The following TANGO6 variants were observed in gnomAD, a reference collection of about 807,000 sequenced individuals.
The protein encoded by TANGO6 is transport and golgi organization 6 homolog.
In TANGO6, 90 loss-of-function variants were observed where a neutral mutation model predicts 114.2. That is an observed-to-expected ratio of 0.79 (90% CI 0.66 to 0.94). TANGO6 has a LOEUF of 0.94. Among genes scored for constraint, TANGO6 ranks in the 40% least tolerant of loss-of-function variants. The pLI is 0.00. For missense variants in TANGO6, 1,274 were observed against 1,315.3 expected (o/e 0.97, Z 0.49); for synonymous variants, 477 against 509.8 (o/e 0.94, Z 0.87).
intron 17 of TANGO6, among the ~76,000 whole-genome samples, chr16:69,063,812 TTATTATTA>T (rs1960172249): frequency 8.1e-6 from 1 of 123,284 alleles, no homozygotes; most frequent in African/African-American, 4.0e-5. Flanking sequence ...CTTCTTCTTA[TTATTATTA>T]TTATTATTAT....
At chr16:68,946,055 G>A (rs1395972272) in intron 14 of TANGO6, among the ~76,000 whole-genome samples, 2 of 151,834 alleles carry the variant, frequency 1.3e-5, no homozygotes, top group African/African-American at 2.4e-5. Flanking sequence ...ACATTCTGGA[G>A]AAAAGTCCTT....
chr16:69,030,325 C>G (rs1959574172), intron 16 of TANGO6, among the ~76,000 whole-genome samples: 1 of 151,932 alleles, frequency 6.6e-6, no homozygotes, highest in Non-Finnish European at 1.5e-5. Flanking sequence ...ATGGGAGCAC[C>G]TTTGAGGAGT....
At chr16:69,020,896 A>ATGTGTGTG (rs1370840988) in intron 15 of TANGO6, among the ~76,000 whole-genome samples, 3 of 78,162 alleles carry the variant, frequency 3.8e-5, no homozygotes, top group African/African-American at 1.5e-4. Flanking sequence ...CCCTTTATAT[A>ATGTGTGTG]TGTATGTATG....
In TANGO6 at chr16:68,902,429, CCT is replaced by C. The variant is rs1962797843; in HGVS notation, c.1598_1599del (p.Leu533ProfsTer7). 1 of 1,613,812 alleles carries C rather than the reference CCT, an allele frequency of 6.2e-7. No individual in the cohort carries two copies. The highest frequency in any genetic ancestry group is 2.2e-5 in the East Asian group (1 of 44,860). On this transcript the variant is annotated frameshift_variant, in exon 9 of 18. Coordinates refer to ENST00000261778, the MANE Select transcript of TANGO6 (RefSeq NM_024562.2). LOFTEE classifies it high-confidence loss of function. ...TTTGCAGGGTTGGACAAAGCTGTGC[CCT>C]CTCTCCATTCTCTGTGTCAGTTTAG... is the stretch of plus-strand genomic sequence containing the variant.
intron 16 of TANGO6, chr16:69,034,114 C>T (rs1363762322): frequency 1.3e-5 from 2 of 154,076 alleles, no homozygotes; most frequent in Admixed American, 6.5e-5. Flanking sequence ...AAGGGACCAT[C>T]ACCCTGGCCA....
intron 7 of TANGO6, among the ~76,000 whole-genome samples, chr16:68,893,757 C>CAAAAAAAAAAAAAAAAAAGAA (rs796651419): frequency 1.2e-5 from 1 of 84,192 alleles, no homozygotes; most frequent in Non-Finnish European, 2.6e-5. Flanking sequence ...AGAAAACAAC[C>CAAAAAAAAAAAAAAAAAAGAA]AAAAAAAAAA....
intron 17 of TANGO6, among the ~76,000 whole-genome samples, chr16:69,064,590 T>C (rs1960186720): frequency 1.3e-5 from 2 of 152,210 alleles, no homozygotes; most frequent in South Asian, 4.1e-4. Context: ...TCCTCATGCA[T>C]ATTGGATTTC....
Position 69,056,997 on chromosome 16 carries a change from C to CTTTTT in TANGO6, c.3108+16601_3108+16605dup, listed in dbSNP as rs71148961. On this transcript the variant is annotated intron_variant, in intron 17 of 17. Coordinates refer to ENST00000261778, the MANE Select transcript of TANGO6 (RefSeq NM_024562.2). ...GCCCAGCCTTGAATGGCCTGATTTT[C>CTTTTT]TTTTTTTTTTTTTTTTTTTTTTTTT... 3.9e-3 allele frequency among the ~76,000 whole-genome samples: 235 copies of CTTTTT among 59,886 alleles called. 3 individuals are homozygous for CTTTTT. Among genetic ancestry groups the CTTTTT allele is most frequent in the Middle Eastern group, 0.013 (1 of 76 alleles). 39.3% of individuals were successfully genotyped at this position (59,886 alleles called of 152,430 possible). A position where few individuals can be genotyped will look rare whatever the true frequency, so the allele number is the denominator to read the frequency against.
chr16:68,905,815 G>A (rs1049713507), intron 9 of TANGO6, among the ~76,000 whole-genome samples: 3 of 152,110 alleles, frequency 2.0e-5, no homozygotes, highest in Admixed American at 6.6e-5. Flanking sequence ...TGAGGCTGCA[G>A]TGAGCCACGA....
intron 11 of TANGO6, 124 bp downstream of exon 11, chr16:68,909,526 TA>T: frequency 1.1e-6 from 1 of 952,286 alleles, no homozygotes; most frequent in Non-Finnish European, 1.4e-6. Context: ...GAATGCTGGT[TA>T]AATATGGAAA....
chr16:69,057,290 A>G (rs1960048149), intron 17 of TANGO6, among the ~76,000 whole-genome samples: 1 of 152,024 alleles, frequency 6.6e-6, no homozygotes, highest in Admixed American at 6.6e-5. Flanking sequence ...AACTACACAA[A>G]ACACTTTTAT....
chr16:68,983,605 T>C (rs1963861607), intron 15 of TANGO6, among the ~76,000 whole-genome samples: 1 of 152,188 alleles, frequency 6.6e-6, no homozygotes. Flanking sequence ...GTATGGAGTA[T>C]TGTGAGGCAC....
chr16:68,875,086 A>G lies in TANGO6; in HGVS notation c.995-68A>G, dbSNP rs115096479. 2.3e-4 allele frequency: 339 copies of G among 1,490,246 alleles called. 2 individuals carry two copies. The African/African-American group carries it at 4.1e-3, about 18-fold the overall frequency. 92.3% of individuals were successfully genotyped at this position (1,490,246 alleles called of 1,614,324 possible). On this transcript the variant is annotated intron_variant, in intron 4 of 17. Transcript: ENST00000261778. ...GCATTTTACCTTAAATTTTAAGACAAATTTGTTACATGGGACCTTCTGTGG... is the reference window on the plus strand; with the variant it reads ...GCATTTTACCTTAAATTTTAAGACAGATTTGTTACATGGGACCTTCTGTGG...
intron 7 of TANGO6, among the ~76,000 whole-genome samples, chr16:68,882,485 A>G (rs967518439): frequency 6.6e-6 from 1 of 151,786 alleles, no homozygotes. Context: ...TGACAGAGCG[A>G]GACTCCGTCT....
chr16:69,017,305 T>G (rs251108), intron 15 of TANGO6, among the ~76,000 whole-genome samples: 1 of 151,944 alleles, frequency 6.6e-6, no homozygotes, highest in Non-Finnish European at 1.5e-5. Context: ...TTATGATTAG[T>G]CCCCCAGGGC....
intron 1 of TANGO6, among the ~76,000 whole-genome samples, chr16:68,851,013 A>G (rs954445521): frequency 2.6e-5 from 4 of 152,172 alleles, no homozygotes; most frequent in Admixed American, 1.3e-4. Flanking sequence ...CTCTCTGTAG[A>G]TGACTTATTT....
intron 6 of TANGO6, 149 bp downstream of exon 6, chr16:68,878,429 G>A (rs1962403791): frequency 1.0e-6 from 1 of 968,970 alleles, no homozygotes. Flanking sequence ...TCACTTACAA[G>A]TTTCAAGAAG....
chr16:69,025,452 T>G lies in TANGO6; in HGVS notation c.2994+2473T>G, dbSNP rs115975733. Among the ~76,000 whole-genome samples, 1,441 of 152,278 alleles carry G rather than the reference T, an allele frequency of 9.5e-3. 22 individuals are homozygous for G. Among genetic ancestry groups the G allele is most frequent in the African/African-American group, 0.033 (1,366 of 41,544 alleles). On this transcript the variant is annotated intron_variant, in intron 16 of 17. Transcript: ENST00000261778. ...TTCATAGGCACAAGTTGCATGCTGA[T>G]TGGTTTGTGAGTATGCAAAAAAGGT...
intron 17 of TANGO6, among the ~76,000 whole-genome samples, chr16:69,080,787 A>G (rs1014139470): frequency 6.6e-6 from 1 of 152,196 alleles, no homozygotes; most frequent in African/African-American, 2.4e-5. Flanking sequence ...TCATTTTTTT[A>G]GCTGAGTAAC....
Sources: allele counts gnomAD v4.1 joint callset (sites outside exome capture counted in the v4.1 genomes callset), GRCh38; gene constraint gnomAD v4.1.1; transcripts MANE v1.5; gene names NCBI Gene and HGNC (gene_info 2026-07-23, HGNC 2026-07-21).